GZMK: variants seen among roughly 807,000 people sequenced by gnomAD.
GZMK encodes granzyme K, also known as NK-Tryp-2.
A neutral mutation model predicts 22.8 loss-of-function variants in GZMK; 18 were observed. That is an observed-to-expected ratio of 0.79 (90% CI 0.54 to 1.17). The LOEUF (loss-of-function observed/expected upper bound fraction) is 1.17. Among genes scored for constraint, GZMK ranks in the 50% most tolerant of loss-of-function variants. GZMK has a pLI of 0.00. For missense variants in GZMK, 342 were observed against 320.2 expected (o/e 1.07, Z -0.52); for synonymous variants, 136 against 115.0 (o/e 1.18, Z -1.17).
At chr5:55,029,684 T>C (rs1437100246) in intron 2 of GZMK, among the ~76,000 whole-genome samples, 1 of 152,176 alleles carries the variant, frequency 6.6e-6, no homozygotes, top group Non-Finnish European at 1.5e-5. Flanking sequence ...GCTGGGACTG[T>C]AGGCATGCAC....
At chr5:55,029,284 A>G (rs1393968065) in intron 2 of GZMK, among the ~76,000 whole-genome samples, 1 of 151,960 alleles carries the variant, frequency 6.6e-6, no homozygotes, top group Non-Finnish European at 1.5e-5. Flanking sequence ...CTATTTCTTC[A>G]CCTCACTCAC....
At position 55,031,413 on chromosome 5, in the gene GZMK, G is replaced by C; in HGVS notation, c.413G>C (p.Arg138Thr). The C allele has an allele frequency of 6.2e-7, 1 of 1,613,546 alleles. No individual in the cohort carries two copies. The highest frequency in any genetic ancestry group is 1.3e-5 in the African/African-American group (1 of 75,030). ...LNKHVKMLHI[R>T]SKTSLRSGTK... ...AAACATGTCAAGATGCTCCACATAAGATCCAAAACCTCTCTTAGATCTGGA... is the reference window on the plus strand; with the variant it reads ...AAACATGTCAAGATGCTCCACATAACATCCAAAACCTCTCTTAGATCTGGA... Residue 138 changes from arginine (R) to threonine (T), a missense_variant, in exon 4 of 5, where the codon AGA becomes ACA. Transcript: ENST00000231009.
At chr5:55,033,243 A>T (rs1371691036) in intron 4 of GZMK, among the ~76,000 whole-genome samples, 1 of 152,356 alleles carries the variant, frequency 6.6e-6, no homozygotes, top group East Asian at 1.9e-4. Flanking sequence ...GTGAGGATGC[A>T]AAAAATAAAT....
Position 55,033,847 on chromosome 5 carries a change from A to C in GZMK, c.716A>C (p.Lys239Thr), listed in dbSNP as rs148865056. 2.7e-5 allele frequency: 43 copies of C among 1,612,694 alleles called. 1 individual carries two copies. The African/African-American group carries it at 5.5e-4, about 21-fold the overall frequency. ...SGGHECGVAT[K>T]PGIYTLLTKK... Reference sequence around the variant, plus strand: ...GGTCATGAATGTGGTGTTGCCACAAAGCCTGGAATCTACACCCTGTTAACC... The same window carrying C: ...GGTCATGAATGTGGTGTTGCCACAACGCCTGGAATCTACACCCTGTTAACC... Residue 239 changes from lysine (K) to threonine (T), a missense_variant, in exon 5 of 5, where the codon AAG (lysine) becomes ACG (threonine). Physicochemically the swap from Lys to Thr is moderately conservative, Grantham distance 78. Coordinates refer to ENST00000231009, the MANE Select transcript of GZMK (RefSeq NM_002104.3).
At chr5:55,031,262 A>C in intron 3 of GZMK, 102 bp from the exon 4 acceptor site, 4 of 952,398 alleles carry the variant, frequency 4.2e-6, no homozygotes, top group Non-Finnish European at 6.5e-6. Context: ...ATCCCAGAAC[A>C]GGGACGCCCG....
rs1741118072 is a variant in GZMK, at chr5:55,024,742, T to A, written c.147T>A (p.His49Gln). Residue 49 changes from histidine to glutamine, a missense_variant, in exon 2 of 5, where the codon CAT becomes CAA. His to Gln is a conservative substitution (Grantham distance 24, BLOSUM62 0). Transcript: ENST00000231009. ...TGGCCTCCATCCAGTATGGCGGACA[T>A]CACGTTTGTGGAGGTGTTCTGATTG... Reference protein sequence around the residue: ...PFMASIQYGGHHVCGGVLIDP... With the variant: ...PFMASIQYGGQHVCGGVLIDP... 2.5e-6 allele frequency: 4 copies of A among 1,611,304 alleles called. No individual in the cohort carries two copies. Among genetic ancestry groups the A allele is most frequent in the African/African-American group, 1.3e-5 (1 of 74,890 alleles).
intron 4 of GZMK, 102 bp downstream of exon 4, chr5:55,031,735 A>G: frequency 1.1e-6 from 1 of 874,128 alleles, no homozygotes; most frequent in Non-Finnish European, 1.8e-6. Context: ...TGGAGAATAC[A>G]AAACCACAAT....
At chr5:55,030,658 T>C (rs950743446) in intron 3 of GZMK, 74 bp downstream of exon 3, 6 of 1,160,122 alleles carry the variant, frequency 5.2e-6, no homozygotes, top group Non-Finnish European at 7.6e-6. Context: ...TTAAATCACC[T>C]ACAAAATGCA....
rs1580298129 is a variant in GZMK at position 55,025,645 on chromosome 5, G to A, written c.212+838G>A. The A allele has an allele frequency of 2.0e-5, 3 of 148,800 alleles. No individual in the cohort carries two copies. The Admixed American group carries it at 2.0e-4, about 10-fold the overall frequency. The allele number at this position is 148,800 out of a possible 1,614,324, so 9.2% of individuals were successfully genotyped here. ...GCTTGGGTTTTTGGTTTTGTTTTTTGTTTGTATATATGTTTCCTTATGTTT... is the reference window on the plus strand; with the variant it reads ...GCTTGGGTTTTTGGTTTTGTTTTTTATTTGTATATATGTTTCCTTATGTTT... On this transcript the variant is annotated intron_variant, in intron 2 of 4. Coordinates refer to ENST00000231009, the MANE Select transcript of GZMK (RefSeq NM_002104.3).
In GZMK at chr5:55,033,959, CT is replaced by C. The variant is rs751867314; in HGVS notation, c.*39del. ...ATAATTTTATTGGATGCACTTGCTT[CT>C]TTTTTCCTAATATGCTCGCAGGTTA... On this transcript the variant is annotated 3_prime_UTR_variant, in exon 5 of 5. Transcript: ENST00000231009. 2 of 1,573,964 alleles carry C rather than the reference CT, an allele frequency of 1.3e-6. No individual in the cohort carries two copies. The highest frequency in any genetic ancestry group is 1.2e-5 in the South Asian group (1 of 86,358).
intron 2 of GZMK, chr5:55,025,831 A>T (rs1053179440): frequency 2.0e-5 from 3 of 152,198 alleles, no homozygotes; most frequent in African/African-American, 7.2e-5. Flanking sequence ...TACCCCATTT[A>T]AATGGAACTG....
At chr5:55,028,989 C>A (rs1302533797) in intron 2 of GZMK, among the ~76,000 whole-genome samples, 1 of 152,160 alleles carries the variant, frequency 6.6e-6, no homozygotes, top group Admixed American at 6.5e-5. Flanking sequence ...AATCCCAGCA[C>A]TTTGGGAGGC....
intron 2 of GZMK, among the ~76,000 whole-genome samples, chr5:55,025,478 G>A (rs1741129334): frequency 2.6e-5 from 4 of 152,166 alleles, no homozygotes. Context: ...TGAAGACAGA[G>A]TAAAACCTTC....
At position 55,030,560 on chromosome 5, in the gene GZMK, A is replaced by G. The variant is rs1424967408; in HGVS notation, c.339A>G (p.Gln113=). The change falls in exon 3 of 5, where the codon CAA becomes CAG. Residue 113 remains glutamine (Q), a synonymous_variant. Transcript: ENST00000231009. ...TCTCAAGAGTTACATCAGATCCTCA[A>G]TCAAATGATATCATGCTGGTTAAGG... ...IPFSRVTSDP[Q]SNDIMLVKLQ... 3.1e-6 allele frequency: 5 copies of G among 1,612,476 alleles called. No homozygotes were observed. The highest frequency in any genetic ancestry group is 2.2e-5 in the East Asian group (1 of 44,874).
At chr5:55,026,648 C>A (rs1848502) in intron 2 of GZMK, among the ~76,000 whole-genome samples, 1 of 151,958 alleles carries the variant, frequency 6.6e-6, no homozygotes, top group Non-Finnish European at 1.5e-5. Flanking sequence ...GAATAGTTTG[C>A]CCCAAGCCTC....
Position 55,024,764 on chromosome 5 carries a change from A to T in GZMK, c.169A>T (p.Ile57Phe). Reference protein sequence around the residue: ...GGHHVCGGVLIDPQWVLTAAH... With the variant: ...GGHHVCGGVLFDPQWVLTAAH... Reference sequence around the variant, plus strand: ...ACATCACGTTTGTGGAGGTGTTCTGATTGATCCACAGTGGGTGCTGACAGC... The same window carrying T: ...ACATCACGTTTGTGGAGGTGTTCTGTTTGATCCACAGTGGGTGCTGACAGC... Residue 57 changes from isoleucine to phenylalanine, a missense_variant, in exon 2 of 5, where the codon ATT becomes TTT. Coordinates refer to ENST00000231009, the MANE Select transcript of GZMK (RefSeq NM_002104.3). 6.2e-7 allele frequency: 1 copy of T among 1,611,884 alleles called. No individual in the cohort carries two copies. The highest frequency in any genetic ancestry group is 8.5e-7 in the Non-Finnish European group (1 of 1,178,202).
chr5:55,030,491 T>G lies in GZMK; in HGVS notation c.270T>G (p.Asn90Lys), dbSNP rs779256132. The G allele has an allele frequency of 6.2e-7, 1 of 1,613,542 alleles. No homozygotes were observed. Among genetic ancestry groups the G allele is most frequent in the Non-Finnish European group, 8.5e-7 (1 of 1,179,408 alleles). Residue 90 changes from asparagine (N) to lysine (K), a missense_variant, in exon 3 of 5, where the codon AAT (asparagine) becomes AAG (lysine). Physicochemically the swap from Asn to Lys is moderately conservative, Grantham distance 94. Coordinates refer to ENST00000231009, the MANE Select transcript of GZMK (RefSeq NM_002104.3). ...VVLGAHSLSKNEASKQTLEIK... is the reference protein window; with the variant it reads ...VVLGAHSLSKKEASKQTLEIK... The stretch of plus-strand genomic sequence containing the variant: ...TAGGCGCACACTCTCTCTCAAAGAA[T>G]GAGGCCTCCAAACAAACACTGGAGA...
chr5:55,027,232 TGTTATCGA>T (rs1741154897), intron 2 of GZMK, among the ~76,000 whole-genome samples: 2 of 152,156 alleles, frequency 1.3e-5, no homozygotes, highest in Non-Finnish European at 2.9e-5. Context: ...ACTTAATAGA[TGTTATCGA>T]GTATTGTTAT....
intron 3 of GZMK, among the ~76,000 whole-genome samples, chr5:55,030,853 G>A (rs894664553): frequency 1.3e-5 from 2 of 151,182 alleles, no homozygotes; most frequent in African/African-American, 4.9e-5. Context: ...ACAGGCCCAA[G>A]GATCCACACT....
Sources: allele counts gnomAD v4.1 joint callset (sites outside exome capture counted in the v4.1 genomes callset), GRCh38; gene constraint gnomAD v4.1.1; transcripts MANE v1.5; gene names NCBI Gene and HGNC (gene_info 2026-07-23, HGNC 2026-07-21).